The following BANK1 variants were observed in gnomAD, a reference collection of about 807,000 sequenced individuals.
The protein encoded by BANK1 is B cell scaffold protein with ankyrin repeats 1.
In BANK1, 95 loss-of-function variants were observed where a neutral mutation model predicts 94.5. That is an observed-to-expected ratio of 1.00 (90% CI 0.85 to 1.19). The LOEUF is 1.19. BANK1 is among the 50% of genes most tolerant of loss of function. The pLI is 0.00. For synonymous variants in BANK1, 334 were observed against 308.4 expected, an observed-to-expected ratio of 1.08 and a Z score of -0.87; for missense variants, 987 against 932.2, an observed-to-expected ratio of 1.06 and a Z score of -0.77.
At chr4:101,939,485 G>C (rs1292263981) in intron 7 of BANK1, among the ~76,000 whole-genome samples, 3 of 151,816 alleles carry the variant, frequency 2.0e-5, no homozygotes, top group Middle Eastern at 3.4e-3. Flanking sequence ...ACTTGGACTA[G>C]TGGATGCCTC....
chr4:101,897,466 T>G (rs1339837167), intron 6 of BANK1, among the ~76,000 whole-genome samples: 4 of 152,002 alleles, frequency 2.6e-5, no homozygotes, highest in African/African-American at 9.7e-5. Context: ...TTGTGGCCCC[T>G]TATTTTTATA....
chr4:101,813,516 A>T (rs1309097534), intron 1 of BANK1, among the ~76,000 whole-genome samples: 1 of 152,216 alleles, frequency 6.6e-6, no homozygotes, highest in African/African-American at 2.4e-5. Flanking sequence ...GTGCTTAGTT[A>T]CTTGATAATC....
intron 10 of BANK1, chr4:102,032,352 T>C (rs1409341056): frequency 6.6e-6 from 1 of 152,238 alleles, no homozygotes; most frequent in Non-Finnish European, 1.5e-5. Context: ...TGTCTTGTTC[T>C]CTGTTGTTCT....
rs144421124 is a variant in BANK1 at position 102,039,922 on chromosome 4, A to G, written c.1901-3917A>G. ...CAATGATAGCTGTACAGCTCTAAAT[A>G]ACATTTCACTGTTCACATCTAATGG... On this transcript the variant is annotated intron_variant, in intron 10 of 16. Transcript: ENST00000322953. 4.5e-4 allele frequency among the ~76,000 whole-genome samples: 68 copies of G among 152,210 alleles called. No homozygotes were observed. In the East Asian group the frequency reaches 0.01, roughly 23 times the overall value.
chr4:101,830,018 C>T lies in BANK1; in HGVS notation c.281C>T (p.Thr94Ile). The T allele has an allele frequency of 6.2e-7, 1 of 1,613,420 alleles. No homozygotes were observed. Among genetic ancestry groups the T allele is most frequent in the Non-Finnish European group, 8.5e-7 (1 of 1,179,750 alleles). The part of the protein sequence containing the change: ...ILSNSLLRDL[T>I]PKKCQFLEKI... ...TCAAATAGCCTGCTTAGAGACCTAACTCCAAAGAAATGTCAGTTTCTGGAA... is the reference window on the plus strand; with the variant it reads ...TCAAATAGCCTGCTTAGAGACCTAATTCCAAAGAAATGTCAGTTTCTGGAA... The change falls in exon 2 of 17, where the codon ACT becomes ATT. Residue 94 changes from threonine to isoleucine, a missense_variant. Transcript: ENST00000322953.
At chr4:101,886,712 C>A (rs892103985) in intron 5 of BANK1, among the ~76,000 whole-genome samples, 2 of 146,098 alleles carry the variant, frequency 1.4e-5, no homozygotes, top group Non-Finnish European at 3.0e-5. Context: ...TTCAAGTTTG[C>A]TCAAGTTAAA....
chr4:101,813,881 T>C, intron 1 of BANK1: 2 of 985,488 alleles, frequency 2.0e-6, no homozygotes, highest in Non-Finnish European at 2.4e-6. Context: ...GGGGGACTAC[T>C]TGCTTGCTGG....
chr4:102,042,790 G>A (rs531867523), intron 10 of BANK1, among the ~76,000 whole-genome samples: 1 of 151,926 alleles, frequency 6.6e-6, no homozygotes, highest in Non-Finnish European at 1.5e-5. Context: ...CAACTGTGTT[G>A]GAAATGTTCT....
At chr4:101,811,222 G>C (rs941920413) in intron 1 of BANK1, among the ~76,000 whole-genome samples, 1 of 152,088 alleles carries the variant, frequency 6.6e-6, no homozygotes, top group African/African-American at 2.4e-5. Context: ...CAGACAACTT[G>C]TTAGATGTAC....
chr4:101,961,953 C>G (rs1300828297), intron 7 of BANK1, among the ~76,000 whole-genome samples: 1 of 152,082 alleles, frequency 6.6e-6, no homozygotes, highest in African/African-American at 2.4e-5. Context: ...GTTCAGTCAC[C>G]AGGAATAATT....
intron 1 of BANK1, among the ~76,000 whole-genome samples, chr4:101,824,689 G>A (rs1335361387): frequency 7.0e-6 from 1 of 142,014 alleles, no homozygotes; most frequent in Non-Finnish European, 1.5e-5. Flanking sequence ...TGTAATTTTT[G>A]GCTTTCTTTT....
intron 1 of BANK1, among the ~76,000 whole-genome samples, chr4:101,823,488 G>A (rs1463278087): frequency 6.6e-6 from 1 of 152,158 alleles, no homozygotes; most frequent in Non-Finnish European, 1.5e-5. Flanking sequence ...GGCCATGCGT[G>A]TGATAAGCAC....
intron 6 of BANK1, among the ~76,000 whole-genome samples, chr4:101,906,590 C>T (rs1309577386): frequency 6.6e-6 from 1 of 152,154 alleles, no homozygotes; most frequent in East Asian, 1.9e-4. Context: ...TTAGCTTTAG[C>T]TGGTAAATAA....
rs1441611460 is a variant in BANK1, at chr4:101,995,523, T to C, written c.1207-25991T>C. Among the ~76,000 whole-genome samples the C allele has an allele frequency of 4.0e-5, 6 of 150,942 alleles. No individual in the cohort carries two copies. The Admixed American group carries it at 4.1e-4, about 10-fold the overall frequency. ...CTAGATCCCTGAGGAATCGCCACAC[T>C]GACTTCCACAATGGTTGAACTAGTT... On this transcript the variant is annotated intron_variant, in intron 7 of 16. Coordinates refer to ENST00000322953, the MANE Select transcript of BANK1 (RefSeq NM_017935.5).
At chr4:101,987,727 C>T (rs1725564531) in intron 7 of BANK1, among the ~76,000 whole-genome samples, 2 of 152,106 alleles carry the variant, frequency 1.3e-5, no homozygotes, top group South Asian at 4.1e-4. Flanking sequence ...TGTTATCTTA[C>T]TTTCATTTGC....
intron 1 of BANK1, among the ~76,000 whole-genome samples, chr4:101,803,725 C>T (rs35748951): frequency 0.28 from 41,825 of 151,636 alleles, 6,006 homozygotes; most frequent in Non-Finnish European, 0.32. Flanking sequence ...AGGCCGGGCG[C>T]GGTGGCTCAC....
In BANK1 at chr4:101,792,827, G is replaced by C. The variant is rs150365851; in HGVS notation, c.70+1877G>C. ...TTGAGTATCGACTTGTTCTTTAATG[G>C]AAGCAAGAAAAATAGAATACCCAGT... On this transcript the variant is annotated intron_variant, in intron 1 of 16. Transcript: ENST00000322953. Among the ~76,000 whole-genome samples, 667 of 152,114 alleles carry C rather than the reference G, an allele frequency of 4.4e-3. 9 individuals carry two copies. The highest frequency in any genetic ancestry group is 0.015 in the African/African-American group (638 of 41,500).
chr4:102,007,403 A>T (rs1726343135), intron 7 of BANK1, among the ~76,000 whole-genome samples: 1 of 151,446 alleles, frequency 6.6e-6, no homozygotes, highest in East Asian at 1.9e-4. Flanking sequence ...TTCAAGAGAC[A>T]AATCAGTGCT....
chr4:101,818,987 G>C (rs1291415633), intron 1 of BANK1, among the ~76,000 whole-genome samples: 1 of 149,542 alleles, frequency 6.7e-6, no homozygotes, highest in African/African-American at 2.5e-5. Context: ...TCTGACATTT[G>C]CTATGTATAT....
Sources: gnomAD v4.1 joint callset for allele counts (sites outside exome capture counted in the v4.1 genomes callset) on GRCh38, gnomAD v4.1.1 for gene constraint, MANE v1.5 for transcripts, NCBI Gene and HGNC (gene_info 2026-07-23, HGNC 2026-07-21) for gene names.